Variants in AGMO observed in about 807,000 individuals in gnomAD.
AGMO encodes glyceryl-ether monooxygenase.
Under a neutral mutation model 60.2 loss-of-function variants are expected in AGMO, and 75 were observed. The observed-to-expected ratio is 1.25, with a 90% CI of 1.03 to 1.51. The LOEUF is 1.51. Ranked by LOEUF, AGMO falls within the 40% of genes most tolerant of loss-of-function variation. AGMO has a pLI of 0.00. For synonymous variants in AGMO, 261 were observed against 177.1 expected (o/e 1.47, Z -3.76); for missense variants, 763 against 525.5 (o/e 1.45, Z -4.42).
At chr7:15,423,473 C>T (rs1780979298) in intron 4 of AGMO, among the ~76,000 whole-genome samples, 1 of 110,414 alleles carries the variant, frequency 9.1e-6, no homozygotes, top group South Asian at 2.8e-4. Context: ...CCCCATTCCA[C>T]CATTGTATAC....
intron 3 of AGMO, among the ~76,000 whole-genome samples, chr7:15,504,234 A>C (rs144434273): frequency 6.6e-6 from 1 of 152,042 alleles, no homozygotes; most frequent in African/African-American, 2.4e-5. Context: ...TGTAAATGCT[A>C]TATCTTCTCC....
chr7:15,267,057 T>C (rs1409649989), intron 12 of AGMO, among the ~76,000 whole-genome samples: 1 of 152,038 alleles, frequency 6.6e-6, no homozygotes, highest in Non-Finnish European at 1.5e-5. Context: ...TTTGACCTTC[T>C]TATGAAATCT....
chr7:15,175,816 G>T, the AGMO span, among the ~76,000 whole-genome samples: 2 of 151,812 alleles, frequency 1.3e-5, no homozygotes, highest in Non-Finnish European at 2.9e-5. Flanking sequence ...AACAAATATG[G>T]AATTCAAGGC....
intron 3 of AGMO, among the ~76,000 whole-genome samples, chr7:15,522,555 A>C (rs911167794): frequency 2.0e-5 from 3 of 152,162 alleles, no homozygotes; most frequent in African/African-American, 7.2e-5. Flanking sequence ...ACACATCTAC[A>C]ACCATCTGTT....
the AGMO span, among the ~76,000 whole-genome samples, chr7:15,123,424 T>C: frequency 6.6e-6 from 1 of 152,138 alleles, no homozygotes; most frequent in East Asian, 1.9e-4. Flanking sequence ...AGTGTTGTAC[T>C]TGGCATAGAG....
intron 3 of AGMO, among the ~76,000 whole-genome samples, chr7:15,506,711 C>A (rs1783520951): frequency 6.6e-6 from 1 of 151,822 alleles, no homozygotes; most frequent in African/African-American, 2.4e-5. Flanking sequence ...GCAGAAACTG[C>A]TACAGCACAT....
At position 15,224,180 on chromosome 7, in the gene AGMO, G is replaced by GA. The variant is rs147559563; in HGVS notation, c.1264-22822dup. Among the ~76,000 whole-genome samples the GA allele has an allele frequency of 2.9e-4, 43 of 146,746 alleles. 1 individual carries two copies. Among genetic ancestry groups the GA allele is most frequent in the Admixed American group, 8.1e-4 (12 of 14,744 alleles). ...TTCTGGAATCAGATTATGAGTAAAA[G>GA]AAAAAAAAAATACGATTCACAGAAC... On this transcript the variant is annotated intron_variant, in intron 12 of 12. Transcript: ENST00000342526.
intron 12 of AGMO, among the ~76,000 whole-genome samples, chr7:15,326,811 C>A (rs560148937): frequency 1.3e-5 from 2 of 151,820 alleles, no homozygotes; most frequent in East Asian, 1.9e-4. Flanking sequence ...AAAGGCATAG[C>A]GAAAAAGAAA....
At chr7:15,433,529 T>A (rs915422266) in intron 3 of AGMO, among the ~76,000 whole-genome samples, 4 of 152,156 alleles carry the variant, frequency 2.6e-5, no homozygotes, top group African/African-American at 9.6e-5. Context: ...AAATGCATTT[T>A]ATGGAAAGTT....
At chr7:15,498,954 C>G (rs906985062) in intron 3 of AGMO, among the ~76,000 whole-genome samples, 3 of 151,830 alleles carry the variant, frequency 2.0e-5, no homozygotes, top group Non-Finnish European at 4.4e-5. Context: ...ATTTCATCCC[C>G]AAAGAAAGTA....
chr7:15,151,913 G>C, the AGMO span, among the ~76,000 whole-genome samples: 1 of 152,114 alleles, frequency 6.6e-6, no homozygotes, highest in Non-Finnish European at 1.5e-5. Context: ...TTTTAGGTCT[G>C]TGATTCTTTC....
chr7:15,169,096 A>C, the AGMO span, among the ~76,000 whole-genome samples: 1 of 152,158 alleles, frequency 6.6e-6, no homozygotes, highest in Admixed American at 6.6e-5. Flanking sequence ...GACCTCAATA[A>C]AGTGACAAAT....
chr7:15,335,723 GATAA>G (rs1781638614), intron 12 of AGMO, among the ~76,000 whole-genome samples: 1 of 152,140 alleles, frequency 6.6e-6, no homozygotes, highest in African/African-American at 2.4e-5. Context: ...AGCATGTGTA[GATAA>G]ATATATTTCA....
chr7:15,409,729 G>A (rs1347473373), intron 5 of AGMO, among the ~76,000 whole-genome samples: 1 of 151,710 alleles, frequency 6.6e-6, no homozygotes, highest in Non-Finnish European at 1.5e-5. Flanking sequence ...AATACATGGT[G>A]GCTATTTATT....
intron 12 of AGMO, among the ~76,000 whole-genome samples, chr7:15,248,208 ATATATATATATATAT>A (rs1298413024): frequency 4.2e-5 from 4 of 95,610 alleles, no homozygotes; most frequent in Non-Finnish European, 8.4e-5. Context: ...ATATATATAT[ATATATATATATATAT>A]ATCTTCATCT....
At chr7:15,308,976 G>A (rs528481025) in intron 12 of AGMO, among the ~76,000 whole-genome samples, 2 of 152,212 alleles carry the variant, frequency 1.3e-5, no homozygotes, top group African/African-American at 4.8e-5. Flanking sequence ...CAACTTAAAC[G>A]CTTACTATTT....
intron 3 of AGMO, among the ~76,000 whole-genome samples, chr7:15,531,360 A>ATATATATTC (rs1278470404): frequency 1.7e-3 from 36 of 20,908 alleles, no homozygotes; most frequent in Non-Finnish European, 2.5e-3. Flanking sequence ...TATATATTCT[A>ATATATATTC]TATATATATT....
chr7:15,247,887 A>G (rs904972346), intron 12 of AGMO, among the ~76,000 whole-genome samples: 2 of 151,868 alleles, frequency 1.3e-5, no homozygotes, highest in Non-Finnish European at 2.9e-5. Flanking sequence ...AGGCTCTCTG[A>G]TAGAAGAGTG....
Position 15,528,634 on chromosome 7 carries a change from T to C in AGMO, c.409+16138A>G, listed in dbSNP as rs184385975. 2.7e-4 allele frequency among the ~76,000 whole-genome samples: 41 copies of C among 152,116 alleles called. No individual in the cohort carries two copies. In the East Asian group the frequency reaches 7.0e-3, roughly 26 times the overall value. On this transcript the variant is annotated intron_variant, in intron 3 of 12. Coordinates refer to ENST00000342526, the MANE Select transcript of AGMO (RefSeq NM_001004320.2). ...AGGAGGAACAATCAGATGACTGGAA[T>C]ACAGACCATTTTTATTTATTTATTT...
Sources: allele counts gnomAD v4.1 joint callset (sites outside exome capture counted in the v4.1 genomes callset), GRCh38; gene constraint gnomAD v4.1.1; transcripts MANE v1.5; gene names NCBI Gene and HGNC (gene_info 2026-07-23, HGNC 2026-07-21).